The following DCTN6 variants were observed in gnomAD, a reference collection of about 807,000 sequenced individuals.
DCTN6 encodes dynactin subunit 6.
A neutral mutation model predicts 25.8 loss-of-function variants in DCTN6; 15 were observed. The observed-to-expected ratio is 0.58, with a 90% CI of 0.39 to 0.89. DCTN6 has a LOEUF of 0.89. Ranked by LOEUF, DCTN6 falls within the 40% of genes least tolerant of loss-of-function variation. DCTN6 has a pLI of 0.00. For synonymous variants in DCTN6, 64 were observed against 78.3 expected (o/e 0.82, Z 0.96); for missense variants, 198 against 237.6 (o/e 0.83, Z 1.09).
chr8:30,176,125 GGTGGAAAATTTTCA>G (rs561212404), intron 3 of DCTN6, among the ~76,000 whole-genome samples: 124 of 152,240 alleles, frequency 8.1e-4, no homozygotes, highest in Non-Finnish European at 1.4e-3. Context: ...GATTATTAAG[GGTGGAAAATTTTCA>G]AGTTAGGCAT....
chr8:30,160,095 C>G (rs1803577963), intron 1 of DCTN6, among the ~76,000 whole-genome samples: 1 of 152,128 alleles, frequency 6.6e-6, no homozygotes, highest in Non-Finnish European at 1.5e-5. Flanking sequence ...GACAAGATGG[C>G]ACCAGTTTCC....
rs200043972 is a variant in DCTN6, at chr8:30,180,635, T to A, written c.474+5T>A. ...GTGCAGACTGAGCGACCGCAGGTAC[T>A]AGAACCTCTCTTTAAAAAGAGTTCT... On this transcript the variant is annotated splice_donor_5th_base_variant and intron_variant, in intron 6 of 6. Coordinates refer to ENST00000221114, the MANE Select transcript of DCTN6 (RefSeq NM_006571.4). 9.2e-5 allele frequency: 148 copies of A among 1,613,196 alleles called. 1 individual carries two copies. The Admixed American group carries it at 2.5e-3, about 27-fold the overall frequency.
At chr8:30,180,434 T>G in intron 5 of DCTN6, 54 bp from the exon 6 acceptor site, 1 of 1,569,484 alleles carries the variant, frequency 6.4e-7, no homozygotes, top group Non-Finnish European at 8.6e-7. Context: ...AGAAAAAAAG[T>G]GTTGGAATCA....
intron 1 of DCTN6, among the ~76,000 whole-genome samples, chr8:30,159,753 G>A (rs955421323): frequency 2.2e-5 from 3 of 133,492 alleles, no homozygotes; most frequent in Non-Finnish European, 4.7e-5. Context: ...CCAGACTTTT[G>A]ATTAGTTTTC....
intron 1 of DCTN6, among the ~76,000 whole-genome samples, chr8:30,158,237 A>G (rs1157075332): frequency 6.6e-6 from 1 of 152,214 alleles, no homozygotes; most frequent in Non-Finnish European, 1.5e-5. Context: ...ATGTTAGATA[A>G]TGCTCTTTTC....
intron 6 of DCTN6, chr8:30,180,983 G>A (rs1158106242): frequency 3.2e-6 from 1 of 309,298 alleles, no homozygotes; most frequent in Non-Finnish European, 5.9e-6. Flanking sequence ...CCATGATCAT[G>A]CCACTGCACT....
chr8:30,168,408 A>G (rs1585501437), intron 2 of DCTN6, among the ~76,000 whole-genome samples: 1 of 152,240 alleles, frequency 6.6e-6, no homozygotes, highest in Admixed American at 6.5e-5. Flanking sequence ...GGGAGATACA[A>G]TTATAAAAGC....
intron 3 of DCTN6, among the ~76,000 whole-genome samples, chr8:30,175,638 A>G (rs192894319): frequency 3.9e-4 from 59 of 152,226 alleles, no homozygotes; most frequent in African/African-American, 1.3e-3. Flanking sequence ...GGTGACACCC[A>G]GAATTATAGT....
chr8:30,159,398 T>C (rs746557438), intron 1 of DCTN6, among the ~76,000 whole-genome samples: 2 of 152,122 alleles, frequency 1.3e-5, no homozygotes, highest in Non-Finnish European at 2.9e-5. Context: ...GGTACAATCT[T>C]AAAAATAGTT....
intron 4 of DCTN6, among the ~76,000 whole-genome samples, chr8:30,179,114 T>C (rs1010244103): frequency 1.3e-5 from 2 of 152,232 alleles, no homozygotes; most frequent in African/African-American, 4.8e-5. Flanking sequence ...GATTGGGTGA[T>C]GGATAGTTTT....
At chr8:30,163,945 C>G (rs71521373) in intron 1 of DCTN6, among the ~76,000 whole-genome samples, 166 bp from the exon 2 acceptor site, 31,171 of 151,708 alleles carry the variant, frequency 0.21, 3,278 homozygotes, top group East Asian at 0.32. Flanking sequence ...CAGGTGATCC[C>G]CCCACCTCGG....
chr8:30,163,094 T>C (rs993642935), intron 1 of DCTN6, among the ~76,000 whole-genome samples: 33 of 151,954 alleles, frequency 2.2e-4, no homozygotes, highest in African/African-American at 7.5e-4. Context: ...GGTCGGGAGT[T>C]CGAGACCAGC....
chr8:30,173,188 G>A (rs780949458), intron 2 of DCTN6, among the ~76,000 whole-genome samples: 4 of 152,038 alleles, frequency 2.6e-5, no homozygotes, highest in Admixed American at 6.6e-5. Flanking sequence ...TTAGGCCCCC[G>A]CCCTCATTAT....
At chr8:30,173,083 A>G (rs1348628292) in intron 2 of DCTN6, among the ~76,000 whole-genome samples, 1 of 152,218 alleles carries the variant, frequency 6.6e-6, no homozygotes, top group Admixed American at 6.5e-5. Flanking sequence ...TTGGAAAGCC[A>G]GAAGTGACTG....
At chr8:30,178,550 A>AAATCT (rs1261983848) in intron 4 of DCTN6, among the ~76,000 whole-genome samples, 2 of 151,978 alleles carry the variant, frequency 1.3e-5, no homozygotes, top group African/African-American at 2.4e-5. Context: ...TTAGAAGGAA[A>AAATCT]AATCTAAATG....
At position 30,183,569 on chromosome 8, in the gene DCTN6, C is replaced by G. The variant is rs1193159083; in HGVS notation, c.*396C>G. On this transcript the variant is annotated 3_prime_UTR_variant, in exon 7 of 7. Coordinates refer to ENST00000221114, the MANE Select transcript of DCTN6 (RefSeq NM_006571.4). ...AGTAAGCATACTTTAATCAGTTTTT[C>G]TCCTTGAATTAATCTTTTCTCTTAA... The G allele has an allele frequency of 6.5e-6, 1 of 153,214 alleles. No individual in the cohort carries two copies. Among genetic ancestry groups the G allele is most frequent in the Non-Finnish European group, 1.5e-5 (1 of 68,852 alleles). The allele number at this position is 153,214 out of a possible 1,614,324, so 9.5% of individuals were successfully genotyped here. A position where few individuals can be genotyped will look rare whatever the true frequency, so the allele number is the denominator to read the frequency against.
chr8:30,160,306 T>C (rs1320914126), intron 1 of DCTN6, among the ~76,000 whole-genome samples: 1 of 152,244 alleles, frequency 6.6e-6, no homozygotes, highest in Non-Finnish European at 1.5e-5. Flanking sequence ...TGAGATCTAA[T>C]GGTTTTATAA....
In DCTN6 at chr8:30,183,368, A is replaced by T; in HGVS notation, c.*195A>T. On this transcript the variant is annotated 3_prime_UTR_variant, in exon 7 of 7. Coordinates refer to ENST00000221114, the MANE Select transcript of DCTN6 (RefSeq NM_006571.4). Reference sequence around the variant, plus strand: ...ATTTATATAAATGTATTATTTTCCTATATCCTTGGTTCTTTTCTGATAATT... The same window carrying T: ...ATTTATATAAATGTATTATTTTCCTTTATCCTTGGTTCTTTTCTGATAATT... The T allele has an allele frequency of 2.4e-6, 1 of 416,768 alleles. No individual in the cohort carries two copies. Among genetic ancestry groups the T allele is most frequent in the South Asian group, 4.5e-5 (1 of 22,082 alleles). The allele number at this position is 416,768 out of a possible 1,614,324, so 25.8% of individuals were successfully genotyped here.
chr8:30,176,543 T>C (rs200950689), intron 3 of DCTN6: 1 of 147,382 alleles, frequency 6.8e-6, no homozygotes, highest in Non-Finnish European at 1.5e-5. Flanking sequence ...CAAAAAAAAA[T>C]AAAAAATAAA....
Sources: gnomAD v4.1 joint callset for allele counts (sites outside exome capture counted in the v4.1 genomes callset) on GRCh38, gnomAD v4.1.1 for gene constraint, MANE v1.5 for transcripts, NCBI Gene and HGNC (gene_info 2026-07-23, HGNC 2026-07-21) for gene names.